The following MRE11 variants were observed in gnomAD, a reference collection of about 807,000 sequenced individuals.
The protein encoded by MRE11 is MRE11 double strand break repair nuclease.
Under a neutral mutation model 91.7 loss-of-function variants are expected in MRE11, and 62 were observed. That is an observed-to-expected ratio of 0.68 (90% CI 0.55 to 0.84). MRE11 has a LOEUF of 0.84. Among genes scored for constraint, MRE11 ranks in the 40% least tolerant of loss-of-function variants. The pLI is 0.00. For missense variants in MRE11, 796 were observed against 852.9 expected, an observed-to-expected ratio of 0.93 and a Z score of 0.83; for synonymous variants, 273 against 271.4, an observed-to-expected ratio of 1.01 and a Z score of -0.06.
At position 94,460,837 on chromosome 11, in the gene MRE11, A is replaced by T. The variant is rs13447660; in HGVS notation, c.1326+99T>A. 7,606 of 967,140 alleles carry T rather than the reference A, an allele frequency of 7.9e-3. 660 individuals are homozygous for T. In the Admixed American group the frequency reaches 0.14, roughly 18 times the overall value. The allele number at this position is 967,140 out of a possible 1,614,324, so 59.9% of individuals were successfully genotyped here. ...CTACTTACTTCATAGAAACATTTTG[A>T]GGATTCATTTTGTTTAAACTATCAA... On this transcript the variant is annotated intron_variant, in intron 12 of 19. Transcript: ENST00000323929.
chr11:94,464,219 A>C lies in MRE11; in HGVS notation c.1119T>G (p.Phe373Leu). Residue 373 changes from phenylalanine to leucine, a missense_variant, in exon 11 of 20, where the codon TTT becomes TTG. By Grantham distance (22) the Phe-to-Leu change is conservative (BLOSUM62 0). Transcript: ENST00000323929. ...VRLRVDYSGGFEPFSVLRFSQ... is the reference protein window; with the variant it reads ...VRLRVDYSGGLEPFSVLRFSQ... The stretch of plus-strand genomic sequence containing the variant: ...TAAAGCGAAGAACACTGAAAGGTTC[A>C]AAACCTCCACTATAGTCCACCTGAA... 1.2e-6 allele frequency: 2 copies of C among 1,613,986 alleles called. No individual in the cohort carries two copies. Among genetic ancestry groups the C allele is most frequent in the Non-Finnish European group, 1.7e-6 (2 of 1,179,916 alleles).
At chr11:94,421,122 T>C (rs1267668843) in intron 19 of MRE11, among the ~76,000 whole-genome samples, 1 of 152,288 alleles carries the variant, frequency 6.6e-6, no homozygotes, top group African/African-American at 2.4e-5. Flanking sequence ...ACTAATAATT[T>C]AATTAAAGAG....
intron 13 of MRE11, among the ~76,000 whole-genome samples, chr11:94,458,199 A>T (rs575490468): frequency 1.2e-4 from 18 of 147,538 alleles, no homozygotes; most frequent in Admixed American, 3.3e-4. Flanking sequence ...TTTTTTTTTT[A>T]AATAACATTG....
upstream of MRE11, chr11:94,496,611 T>C (rs113650158): frequency 1.7e-5 from 22 of 1,264,596 alleles, no homozygotes; most frequent in African/African-American, 2.4e-4. Context: ...CAGATCTTGA[T>C]GAACAAAGCA....
intron 16 of MRE11, among the ~76,000 whole-genome samples, chr11:94,440,049 G>A (rs975794175): frequency 2.6e-5 from 4 of 152,228 alleles, no homozygotes; most frequent in Admixed American, 2.6e-4. Context: ...TAAGCCAGCA[G>A]TAAAGAGCTG....
chr11:94,492,484 A>C (rs898199335), intron 2 of MRE11, among the ~76,000 whole-genome samples: 2 of 152,240 alleles, frequency 1.3e-5, no homozygotes, highest in African/African-American at 4.8e-5. Flanking sequence ...ATTTGTCAGG[A>C]AAATTCAAGA....
At chr11:94,434,918 A>G (rs553069162) in intron 18 of MRE11, among the ~76,000 whole-genome samples, 1 of 152,248 alleles carries the variant, frequency 6.6e-6, no homozygotes, top group Admixed American at 6.5e-5. Context: ...ACAGAAAATA[A>G]GTACAAAATA....
chr11:94,483,729 G>C (rs898441341), intron 4 of MRE11: 1 of 153,498 alleles, frequency 6.5e-6, no homozygotes, highest in Admixed American at 6.5e-5. Flanking sequence ...TATAGTCCCA[G>C]CTACTTGGGA....
the MRE11 span, among the ~76,000 whole-genome samples, chr11:94,508,357 G>A: frequency 6.6e-6 from 1 of 152,158 alleles, no homozygotes; most frequent in Non-Finnish European, 1.5e-5. Context: ...GTAGACATGA[G>A]GAAGACATCA....
rs774057024 is a variant in MRE11 at position 94,456,331 on chromosome 11, C to T, written c.1508G>A (p.Arg503His). The T allele has an allele frequency of 1.9e-5, 30 of 1,612,366 alleles. No homozygotes were observed. In the East Asian group the frequency reaches 2.2e-4, roughly 12 times the overall value. Residue 503 changes from arginine to histidine, a missense_variant, in exon 14 of 20, where the codon CGT (arginine) becomes CAT (histidine). Physicochemically the swap from Arg to His is conservative, Grantham distance 29. Transcript: ENST00000323929. ...LEDKIDEEVRRFRETRQKNTN... is the reference protein window; with the variant it reads ...LEDKIDEEVRHFRETRQKNTN... ...ATTTTTTTGTCTGGTTTCTCTGAAA[C>T]GACGTACCTAGATCATAACAGAGTA... is the stretch of plus-strand genomic sequence containing the variant.
rs779810776 is a variant in MRE11 at position 94,464,104 on chromosome 11, C to G, written c.1225+9G>C. 1 of 1,611,760 alleles carries G rather than the reference C, an allele frequency of 6.2e-7. No individual in the cohort carries two copies. Among genetic ancestry groups the G allele is most frequent in the Non-Finnish European group, 8.5e-7 (1 of 1,179,106 alleles). ...ACATTTTTTTACCTCATAAAAATAA[C>G]TAGCTTACCTGTTTTTTCCTTTTGT... On this transcript the variant is annotated intron_variant, in intron 11 of 19. Transcript: ENST00000323929.
At chr11:94,468,072 T>C (rs571395819) in intron 9 of MRE11, among the ~76,000 whole-genome samples, 179 bp from the exon 10 acceptor site, 10 of 152,338 alleles carry the variant, frequency 6.6e-5, no homozygotes, top group African/African-American at 9.6e-5. Flanking sequence ...TATTCCTTAA[T>C]GTTTTCCTTT....
At chr11:94,511,531 TG>T in the MRE11 span, among the ~76,000 whole-genome samples, 1 of 152,330 alleles carries the variant, frequency 6.6e-6, no homozygotes, top group African/African-American at 2.4e-5. Context: ...AATAAGTATA[TG>T]TGACACAGGG....
chr11:94,453,914 G>C lies in MRE11; in HGVS notation c.1563+2362C>G, dbSNP rs183791748. 4.7e-3 allele frequency among the ~76,000 whole-genome samples: 715 copies of C among 152,006 alleles called. 12 individuals are homozygous for C. The highest frequency in any genetic ancestry group is 0.016 in the African/African-American group (677 of 41,460). On this transcript the variant is annotated intron_variant, in intron 14 of 19. Transcript: ENST00000323929. ...TAAGAATAGTTTTTATATTTTTAAA[G>C]GGCCATTAATAAAAAAACAAACAAA...
intron 14 of MRE11, among the ~76,000 whole-genome samples, chr11:94,451,032 A>ATT (rs1946088553): frequency 2.2e-5 from 3 of 137,148 alleles, no homozygotes; most frequent in Non-Finnish European, 4.6e-5. Context: ...AGAAGCTCAC[A>ATT]TCTATACTTT....
chr11:94,442,032 C>A (rs1320551231), intron 16 of MRE11, among the ~76,000 whole-genome samples: 1 of 136,838 alleles, frequency 7.3e-6, no homozygotes, highest in Non-Finnish European at 1.6e-5. Flanking sequence ...GAATGTAGCA[C>A]AGAAAGAGAA....
Position 94,470,524 on chromosome 11 carries a change from T to TA in MRE11, c.963dup (p.Asn322Ter), listed in dbSNP as rs1173177963. ...TGGGTTACTTTAGGATTATCTGGGTTAAAAATGTCTGGATGATTAGCTAGA... is the reference window on the plus strand; with the variant it reads ...TGGGTTACTTTAGGATTATCTGGGTTAAAAAATGTCTGGATGATTAGCTAGA... On this transcript the variant is annotated frameshift_variant, in exon 9 of 20. Coordinates refer to ENST00000323929, the MANE Select transcript of MRE11 (RefSeq NM_005591.4). LOFTEE classifies it high-confidence loss of function. 3.1e-6 allele frequency: 5 copies of TA among 1,613,270 alleles called. No individual in the cohort carries two copies. Among genetic ancestry groups the TA allele is most frequent in the Non-Finnish European group, 4.2e-6 (5 of 1,179,410 alleles).
At chr11:94,432,304 G>A (rs576948) in intron 18 of MRE11, among the ~76,000 whole-genome samples, 58,772 of 151,962 alleles carry the variant, frequency 0.39, 11,668 homozygotes, top group Middle Eastern at 0.47. Flanking sequence ...AGGCCAGTAC[G>A]GCCTTCTGCA....
chr11:94,476,083 T>C (rs1298586516), intron 7 of MRE11, among the ~76,000 whole-genome samples: 1 of 152,186 alleles, frequency 6.6e-6, no homozygotes, highest in Non-Finnish European at 1.5e-5. Context: ...GTATGCCTTA[T>C]CCTTATGTTA....
Sources: gnomAD v4.1 joint callset for allele counts (sites outside exome capture counted in the v4.1 genomes callset) on GRCh38, gnomAD v4.1.1 for gene constraint, MANE v1.5 for transcripts, NCBI Gene and HGNC (gene_info 2026-07-23, HGNC 2026-07-21) for gene names.